The following PACC1 variants were observed in gnomAD, a reference collection of about 807,000 sequenced individuals.
The protein encoded by PACC1 is proton activated chloride channel 1.
PACC1 carries 34 observed loss-of-function variants against 39.7 expected under a neutral mutation model. The ratio of observed to expected loss-of-function variants is 0.86; its 90% confidence interval spans 0.65 to 1.14. The LOEUF is 1.14. Among genes scored for constraint, PACC1 ranks in the 50% most tolerant of loss-of-function variants. The probability of loss-of-function intolerance (pLI) is 0.00; values close to 1 mark genes in which losing one functional copy is unlikely to be tolerated. For synonymous variants in PACC1, 127 were observed against 160.6 expected (o/e 0.79, Z 1.58); for missense variants, 379 against 436.4 (o/e 0.87, Z 1.17).
chr1:212,399,901 A>G (rs1661654593), intron 2 of PACC1, among the ~76,000 whole-genome samples: 1 of 151,758 alleles, frequency 6.6e-6, no homozygotes, highest in African/African-American at 2.4e-5. Flanking sequence ...CTAGAGTGCA[A>G]TGGTGCAATC....
At chr1:212,383,919 A>T (rs1053082247) in intron 4 of PACC1, among the ~76,000 whole-genome samples, 3 of 152,114 alleles carry the variant, frequency 2.0e-5, no homozygotes, top group Admixed American at 6.5e-5. Context: ...CCCAGAGGCA[A>T]CCATCCCCAG....
chr1:212,376,289 TGTGAGAGC>T (rs1233759446), intron 6 of PACC1, among the ~76,000 whole-genome samples: 2 of 152,188 alleles, frequency 1.3e-5, no homozygotes, highest in African/African-American at 4.8e-5. Flanking sequence ...GGCATACCTA[TGTGAGAGC>T]ACTCTAAACT....
At chr1:212,404,002 C>T (rs960457788) in intron 2 of PACC1, among the ~76,000 whole-genome samples, 6 of 152,242 alleles carry the variant, frequency 3.9e-5, no homozygotes, top group East Asian at 1.9e-4. Context: ...CCTCTCACAT[C>T]AGCCTTTGCC....
At chr1:212,370,300 AC>A (rs1660399729) in intron 7 of PACC1, among the ~76,000 whole-genome samples, 1 of 152,206 alleles carries the variant, frequency 6.6e-6, no homozygotes, top group Non-Finnish European at 1.5e-5. Flanking sequence ...CCCCGTCTCT[AC>A]CAAAAAATAC....
intron 2 of PACC1, among the ~76,000 whole-genome samples, chr1:212,408,101 CT>C (rs1661988483): frequency 1.3e-5 from 2 of 150,882 alleles, no homozygotes; most frequent in African/African-American, 4.9e-5. Flanking sequence ...GAAAACACCA[CT>C]GGTGTAGTAG....
At chr1:212,370,529 G>A (rs1188337858) in intron 7 of PACC1, among the ~76,000 whole-genome samples, 2 of 152,164 alleles carry the variant, frequency 1.3e-5, no homozygotes, top group Non-Finnish European at 1.5e-5. Context: ...ATTCTCCAGG[G>A]GAGACCATAT....
chr1:212,388,910 A>C (rs12141427), intron 2 of PACC1, among the ~76,000 whole-genome samples: 24,750 of 152,152 alleles, frequency 0.16, 2,764 homozygotes, highest in East Asian at 0.38. Flanking sequence ...GAACAAGGGA[A>C]GCATCTGAAC....
In PACC1 at chr1:212,366,866, G is replaced by A. The variant is rs1004739536; in HGVS notation, c.892-1490C>T. Among the ~76,000 whole-genome samples the A allele has an allele frequency of 5.9e-5, 9 of 152,328 alleles. No homozygotes were observed. In the East Asian group the frequency reaches 1.7e-3, roughly 29 times the overall value. The stretch of plus-strand genomic sequence containing the variant: ...TAATTAATAGTGGTAGTGGGTGATA[G>A]CAGAGCAAGCACATCCGTATCACAG... On this transcript the variant is annotated intron_variant, in intron 7 of 7. Transcript: ENST00000261455.
intron 2 of PACC1, 141 bp downstream of exon 2, chr1:212,410,284 T>C (rs1347165226): frequency 6.6e-6 from 5 of 758,700 alleles, no homozygotes; most frequent in African/African-American, 5.1e-5. Context: ...TAAATATGTA[T>C]GGCTTTAAAA....
intron 7 of PACC1, among the ~76,000 whole-genome samples, chr1:212,372,932 C>T (rs1368514160): frequency 6.6e-6 from 1 of 151,954 alleles, no homozygotes; most frequent in Non-Finnish European, 1.5e-5. Context: ...TCCACACTAC[C>T]CAAAGCAATC....
chr1:212,411,399 G>A (rs139771094), intron 1 of PACC1, among the ~76,000 whole-genome samples: 1 of 152,344 alleles, frequency 6.6e-6, no homozygotes, highest in East Asian at 1.9e-4. Context: ...AGGGCAGGCA[G>A]TCCACCACAG....
chr1:212,397,427 C>G (rs1040556111), intron 2 of PACC1, among the ~76,000 whole-genome samples: 2 of 152,210 alleles, frequency 1.3e-5, no homozygotes, highest in African/African-American at 4.8e-5. Flanking sequence ...GCTTTGATAG[C>G]AGATTTCAAA....
chr1:212,385,664 C>T (rs941690265), intron 3 of PACC1, among the ~76,000 whole-genome samples: 2 of 152,102 alleles, frequency 1.3e-5, no homozygotes, highest in Non-Finnish European at 2.9e-5. Context: ...ATCCAGCCGC[C>T]CTGATGCCCA....
Position 212,375,278 on chromosome 1 carries a change from T to C in PACC1, c.806A>G (p.Asp269Gly). The C allele has an allele frequency of 6.2e-7, 1 of 1,613,884 alleles. No individual in the cohort carries two copies. The highest frequency in any genetic ancestry group is 8.5e-7 in the Non-Finnish European group (1 of 1,179,766). Residue 269 changes from aspartate to glycine, a missense_variant, in exon 7 of 8, where the codon GAC becomes GGC. Physicochemically the swap from Asp to Gly is moderately conservative, Grantham distance 94. Transcript: ENST00000261455. The part of the protein sequence containing the change: ...RQETSVVNYI[D>G]QRPAAKKSAQ... ...ACTTTTTTTGGCAGCTGGCCTCTGG[T>C]CAATGTAGTTAACCACACTTGTCTA...
At position 212,388,070 on chromosome 1, in the gene PACC1, A is replaced by G. The variant is rs111663376; in HGVS notation, c.134-970T>C. 3.4e-3 allele frequency among the ~76,000 whole-genome samples: 517 copies of G among 150,952 alleles called. 3 individuals are homozygous for G. Among genetic ancestry groups the G allele is most frequent in the African/African-American group, 0.012 (495 of 41,134 alleles). On this transcript the variant is annotated intron_variant, in intron 2 of 7. Coordinates refer to ENST00000261455, the MANE Select transcript of PACC1 (RefSeq NM_018252.3). ...ACTCCATCTCAAAAAAAAAAAAAAAAGAAAAAAGAAAGAAAGACATTTTCT... is the reference window on the plus strand; with the variant it reads ...ACTCCATCTCAAAAAAAAAAAAAAAGGAAAAAAGAAAGAAAGACATTTTCT...
chr1:212,391,464 A>G (rs1416165381), intron 2 of PACC1, among the ~76,000 whole-genome samples: 1 of 152,208 alleles, frequency 6.6e-6, no homozygotes, highest in Non-Finnish European at 1.5e-5. Context: ...CAAAGACCAA[A>G]GGTAAATAAA....
At chr1:212,410,051 G>C (rs1662066637) in intron 2 of PACC1, 1 of 214,618 alleles carries the variant, frequency 4.7e-6, no homozygotes, top group African/African-American at 2.2e-5. Context: ...CAACTGAGCA[G>C]CATTACTGGA....
intron 2 of PACC1, among the ~76,000 whole-genome samples, chr1:212,389,351 A>G (rs1661220357): frequency 6.6e-6 from 1 of 152,232 alleles, no homozygotes; most frequent in African/African-American, 2.4e-5. Flanking sequence ...TAACAACTGG[A>G]AATTGAAAGA....
chr1:212,395,238 G>A (rs1661469128), intron 2 of PACC1, among the ~76,000 whole-genome samples: 1 of 152,092 alleles, frequency 6.6e-6, no homozygotes, highest in African/African-American at 2.4e-5. Context: ...CCAAAACAGA[G>A]ATATAGACCA....
Sources: allele counts gnomAD v4.1 joint callset (sites outside exome capture counted in the v4.1 genomes callset), GRCh38; gene constraint gnomAD v4.1.1; transcripts MANE v1.5; gene names NCBI Gene and HGNC (gene_info 2026-07-23, HGNC 2026-07-21).